The following CARD14 variants were observed in gnomAD, a reference collection of about 807,000 sequenced individuals.
CARD14 encodes the protein caspase recruitment domain-containing protein 14.
A neutral mutation model predicts 111.5 loss-of-function variants in CARD14; 107 were observed. The observed-to-expected ratio is 0.96, with a 90% CI of 0.82 to 1.13. The LOEUF is 1.13. CARD14 is among the 50% of genes most tolerant of loss of function. The probability of loss-of-function intolerance (pLI) is 0.00; values close to 1 mark genes in which losing one functional copy is unlikely to be tolerated. For missense variants in CARD14, 1,322 were observed against 1,362.3 expected (o/e 0.97, Z 0.47); for synonymous variants, 617 against 579.6 (o/e 1.06, Z -0.93).
Position 80,198,382 on chromosome 17 carries a change from C to G in CARD14, c.1659-17C>G, listed in dbSNP as rs374698233. On this transcript the variant is annotated splice_polypyrimidine_tract_variant and intron_variant, in intron 15 of 23. Transcript: ENST00000648509. The surrounding 1 kb of genome is among the most constrained non-coding windows in gnomAD (Gnocchi z 7.5). ...TGCTCTGGGCAGTGCACAAGCCGGT[C>G]GTCTCCCGGCCTGCAGCGGCGTCCT... 1.1e-5 allele frequency: 17 copies of G among 1,586,434 alleles called. No individual in the cohort carries two copies. The highest frequency in any genetic ancestry group is 3.4e-4 in the Middle Eastern group (2 of 5,934).
In CARD14 at chr17:80,188,443, G is replaced by A. The variant is rs750856042; in HGVS notation, c.742G>A (p.Glu248Lys). The A allele has an allele frequency of 6.2e-7, 1 of 1,609,314 alleles. No homozygotes were observed. Among genetic ancestry groups the A allele is most frequent in the Non-Finnish European group, 8.5e-7 (1 of 1,177,982 alleles). Reference sequence around the variant, plus strand: ...TTCCTCCTGTGAGCTGGAATTGCAAGAGCAGTCCCTGAGGACAGCCAGCGA... The same window carrying A: ...TTCCTCCTGTGAGCTGGAATTGCAAAAGCAGTCCCTGAGGACAGCCAGCGA... ...MVSSCELELQ[E>K]QSLRTASDQE... The change falls in exon 8 of 24, where the codon GAG becomes AAG. Residue 248 changes from glutamate to lysine, a missense_variant. Coordinates refer to ENST00000648509, the MANE Select transcript of CARD14 (RefSeq NM_001366385.1). The surrounding 1 kb of genome is among the most constrained non-coding windows in gnomAD (Gnocchi z 4.5).
intron 2 of CARD14, among the ~76,000 whole-genome samples, chr17:80,175,951 CGTTTTTTTTTTTTTTTTTT>C (rs2040014035): frequency 2.5e-5 from 2 of 79,292 alleles, no homozygotes; most frequent in East Asian, 4.1e-4. Flanking sequence ...GCTCTCGGAT[CGTTTTTTTTTTTTTTTTTT>C]TTTTTTTTTT....
Position 80,189,681 on chromosome 17 carries a change from C to A in CARD14, c.844-72C>A. 1 of 1,434,042 alleles carries A rather than the reference C, an allele frequency of 7.0e-7. No homozygotes were observed. The highest frequency in any genetic ancestry group is 1.5e-5 in the South Asian group (1 of 65,326). The allele number at this position is 1,434,042 out of a possible 1,614,324, so 88.8% of individuals were successfully genotyped here. ...CTGACCGTGCAGTTGCCGCCATCTT[C>A]TCGGGATTCTGCTTGCCTAGGGCAG... is the stretch of plus-strand genomic sequence containing the variant. On this transcript the variant is annotated intron_variant, in intron 8 of 23. Coordinates refer to ENST00000648509, the MANE Select transcript of CARD14 (RefSeq NM_001366385.1). The surrounding 1 kb of genome is among the most constrained non-coding windows in gnomAD (Gnocchi z 4.7).
chr17:80,192,961 G>C (rs111895766), intron 12 of CARD14, among the ~76,000 whole-genome samples: 105 of 152,230 alleles, frequency 6.9e-4, no homozygotes, highest in African/African-American at 2.5e-3. Context: ...TGTTGGCCAG[G>C]CTGGTCTTGA....
chr17:80,176,169 C>T (rs1476545853), intron 2 of CARD14, among the ~76,000 whole-genome samples: 2 of 149,140 alleles, frequency 1.3e-5, no homozygotes, highest in Admixed American at 6.7e-5. Flanking sequence ...GTGGCTCACA[C>T]CTATAATCCT....
At chr17:80,183,809 TGCCC>T in intron 6 of CARD14, 100 bp from the exon 7 acceptor site, 2 of 796,726 alleles carry the variant, frequency 2.5e-6, no homozygotes, top group Non-Finnish European at 3.6e-6. Context: ...CATGCTCACC[TGCCC>T]ACATGCTCAC....
chr17:80,191,359 T>C lies in CARD14; in HGVS notation c.1126T>C (p.Ser376Pro). Reference sequence around the variant, plus strand: ...GAGGGACAGTGCTCAGAGGGAGATTTCCCAGAGCCTGGTGGAGAAGGACTC... The same window carrying C: ...GAGGGACAGTGCTCAGAGGGAGATTCCCCAGAGCCTGGTGGAGAAGGACTC... Reference protein sequence around the residue: ...SARDSAQREISQSLVEKDSLR... With the variant: ...SARDSAQREIPQSLVEKDSLR... Residue 376 changes from serine to proline, a missense_variant, in exon 11 of 24, where the codon TCC (serine) becomes CCC (proline). By Grantham distance (74) the Ser-to-Pro change is moderately conservative. Transcript: ENST00000648509. The C allele has an allele frequency of 6.2e-7, 1 of 1,613,842 alleles. No individual in the cohort carries two copies. The highest frequency in any genetic ancestry group is 8.5e-7 in the Non-Finnish European group (1 of 1,179,954).
At chr17:80,187,695 C>T in intron 7 of CARD14, 1 of 962,524 alleles carries the variant, frequency 1.0e-6, no homozygotes, top group Non-Finnish European at 1.2e-6. Context: ...TGCAGACTTC[C>T]CGGGCTTGCC....
Position 80,175,981 on chromosome 17 carries a change from TTTTTTTTTTTTA to T in CARD14, c.-366-2526_-366-2515del, listed in dbSNP as rs2040016863. ...TTTTTTTTTTTTTTTTTTTTTTTTT[TTTTTTTTTTTTA>T]AAAACGGGATCGTGCTATGTTGCTA... is the stretch of plus-strand genomic sequence containing the variant. On this transcript the variant is annotated intron_variant, in intron 2 of 23. Transcript: ENST00000648509. Among the ~76,000 whole-genome samples the T allele has an allele frequency of 2.8e-5, 2 of 72,534 alleles. 1 individual carries two copies. Among genetic ancestry groups the T allele is most frequent in the African/African-American group, 1.3e-4 (2 of 15,632 alleles). 47.6% of individuals were successfully genotyped at this position (72,534 alleles called of 152,430 possible). A position where few individuals can be genotyped will look rare whatever the true frequency, so the allele number is the denominator to read the frequency against.
chr17:80,189,911 G>A lies in CARD14; in HGVS notation c.963+39G>A, dbSNP rs760950643. 2 of 1,576,956 alleles carry A rather than the reference G, an allele frequency of 1.3e-6. No individual in the cohort carries two copies. Among genetic ancestry groups the A allele is most frequent in the Admixed American group, 1.9e-5 (1 of 51,586 alleles). On this transcript the variant is annotated intron_variant, in intron 9 of 23. Transcript: ENST00000648509. The surrounding 1 kb of genome is among the most constrained non-coding windows in gnomAD (Gnocchi z 4.7). The stretch of plus-strand genomic sequence containing the variant: ...CCTTCCTCCCTTGTGACTCTCCTGG[G>A]GCTTGTCTCAGGGGTGCGGACAGGT...
rs777086788 is a variant in CARD14 at position 80,205,021 on chromosome 17, C to T, written c.2399-14C>T. 1 of 1,551,878 alleles carries T rather than the reference C, an allele frequency of 6.4e-7. No homozygotes were observed. ...CCGCAGCCTCACCCACCCTCAGGAT[C>T]CTCTCCTCCACAGGCTCCAGCACGT... is the stretch of plus-strand genomic sequence containing the variant. On this transcript the variant is annotated splice_polypyrimidine_tract_variant and intron_variant, in intron 20 of 23. Coordinates refer to ENST00000648509, the MANE Select transcript of CARD14 (RefSeq NM_001366385.1).
Position 80,201,932 on chromosome 17 carries a change from C to T in CARD14, c.1978+62C>T. On this transcript the variant is annotated intron_variant, in intron 17 of 23. Coordinates refer to ENST00000648509, the MANE Select transcript of CARD14 (RefSeq NM_001366385.1). The surrounding 1 kb of genome is among the most constrained non-coding windows in gnomAD (Gnocchi z 5.0). The stretch of plus-strand genomic sequence containing the variant: ...GGCCAGACTCCATGACCCTTAAGTC[C>T]CTGGTGGTTCTTCTGCACGCCCAGC... The T allele has an allele frequency of 6.5e-7, 1 of 1,535,028 alleles. No individual in the cohort carries two copies. Among genetic ancestry groups the T allele is most frequent in the Non-Finnish European group, 8.8e-7 (1 of 1,138,668 alleles).
chr17:80,182,849 A>T lies in CARD14; in HGVS notation c.349+59A>T. The T allele has an allele frequency of 6.2e-7, 1 of 1,602,042 alleles. No individual in the cohort carries two copies. The highest frequency in any genetic ancestry group is 1.1e-5 in the South Asian group (1 of 90,458). ...CTTCTAGGAACCTCAGGCTCCTGGT[A>T]ACCCCAGGTGCCCCGCTTACTTGCC... On this transcript the variant is annotated intron_variant, in intron 6 of 23. Coordinates refer to ENST00000648509, the MANE Select transcript of CARD14 (RefSeq NM_001366385.1). This position sits in a 1 kb window ranked among gnomAD's most constrained non-coding sequence, Gnocchi z 4.7.
At chr17:80,178,020 G>A (rs1248018002) in intron 2 of CARD14, among the ~76,000 whole-genome samples, 1 of 152,170 alleles carries the variant, frequency 6.6e-6, no homozygotes, top group Non-Finnish European at 1.5e-5. Context: ...TGACTCGCAA[G>A]CCTCAATCAC....
In CARD14 at chr17:80,201,805, A is replaced by G. The variant is rs763051356; in HGVS notation, c.1913A>G (p.Glu638Gly). 6.2e-7 allele frequency: 1 copy of G among 1,613,802 alleles called. No individual in the cohort carries two copies. The highest frequency in any genetic ancestry group is 8.5e-7 in the Non-Finnish European group (1 of 1,179,748). ...GTCCTGGAGGACACGACCCTGGAGGAGGCCGTGGGGCTTCTCAGGAGGGTG... is the reference window on the plus strand; with the variant it reads ...GTCCTGGAGGACACGACCCTGGAGGGGGCCGTGGGGCTTCTCAGGAGGGTG... The part of the protein sequence containing the change: ...KAVLEDTTLE[E>G]AVGLLRRVDG... The change falls in exon 17 of 24, where the codon GAG becomes GGG. Residue 638 changes from glutamate (E) to glycine (G), a missense_variant. Glu to Gly is a moderately conservative substitution (Grantham distance 98). Coordinates refer to ENST00000648509, the MANE Select transcript of CARD14 (RefSeq NM_001366385.1). The surrounding 1 kb of genome is among the most constrained non-coding windows in gnomAD (Gnocchi z 5.0).
intron 1 of CARD14, among the ~76,000 whole-genome samples, chr17:80,171,423 A>G (rs1013254405): frequency 2.7e-5 from 4 of 148,706 alleles, no homozygotes; most frequent in Non-Finnish European, 5.9e-5. Context: ...AGCTCAAGCA[A>G]TCCTCCTGCC....
chr17:80,205,325 A>G (rs1367881238), intron 21 of CARD14, 120 bp downstream of exon 21: 15 of 1,105,118 alleles, frequency 1.4e-5, no homozygotes, highest in Non-Finnish European at 1.9e-5. Context: ...GCACATTCCC[A>G]CACTCACCTG....
intron 21 of CARD14, 37 bp from the exon 22 acceptor site, chr17:80,205,494 G>C: frequency 6.4e-7 from 1 of 1,569,936 alleles, no homozygotes; most frequent in South Asian, 1.2e-5. Context: ...CCCCCACACA[G>C]CTGGTCTATG....
intron 7 of CARD14, among the ~76,000 whole-genome samples, chr17:80,186,801 C>T (rs377005577): frequency 3.5e-4 from 53 of 152,290 alleles, no homozygotes; most frequent in Middle Eastern, 3.4e-3. Flanking sequence ...CCGCCCACCT[C>T]GGTCTCCCAA....
Sources: allele counts gnomAD v4.1 joint callset (sites outside exome capture counted in the v4.1 genomes callset), GRCh38; gene constraint gnomAD v4.1.1; non-coding constraint Gnocchi (gnomAD v3.1); transcripts MANE v1.5; gene names NCBI Gene and HGNC (gene_info 2026-07-23, HGNC 2026-07-21).